Variants in SNX9 observed in about 807,000 individuals in gnomAD.
SNX9 encodes the protein sorting nexin-9.
Under a neutral mutation model 89.4 loss-of-function variants are expected in SNX9, and 44 were observed. That is an observed-to-expected ratio of 0.49 (90% CI 0.39 to 0.63). The LOEUF (loss-of-function observed/expected upper bound fraction) is 0.63, where lower values mean the gene tolerates loss of function less well. Among genes scored for constraint, SNX9 ranks in the 30% least tolerant of loss-of-function variants. The pLI is 0.00. For missense variants in SNX9, 578 were observed against 736.1 expected, an observed-to-expected ratio of 0.79 and a Z score of 2.49; for synonymous variants, 236 against 247.8, an observed-to-expected ratio of 0.95 and a Z score of 0.45.
At chr6:157,921,471 A>G in intron 9 of SNX9, 60 bp from the exon 10 acceptor site, 8 of 1,566,880 alleles carry the variant, frequency 5.1e-6, no homozygotes, top group Admixed American at 1.8e-5. Context: ...CAGTTACAGT[A>G]TGGTAACAGT....
At chr6:157,833,736 G>A (rs147029744) in intron 1 of SNX9, among the ~76,000 whole-genome samples, 107 of 152,232 alleles carry the variant, frequency 7.0e-4, no homozygotes, top group African/African-American at 2.4e-3. Flanking sequence ...TTCTCCTCCC[G>A]CCTTCCTAAA....
intron 1 of SNX9, among the ~76,000 whole-genome samples, chr6:157,850,072 GGAA>G (rs1781879733): frequency 6.6e-6 from 1 of 152,202 alleles, no homozygotes; most frequent in African/African-American, 2.4e-5. Flanking sequence ...AAGGTGGAAA[GGAA>G]GGAAGAAAAC....
At chr6:157,886,274 A>G (rs796349488) in intron 4 of SNX9, among the ~76,000 whole-genome samples, 6 of 152,326 alleles carry the variant, frequency 3.9e-5, no homozygotes, top group African/African-American at 1.4e-4. Flanking sequence ...AGGATGTCAT[A>G]TGAGGAGCAA....
Position 157,858,167 on chromosome 6 carries a change from A to G in SNX9, c.13-9380A>G, listed in dbSNP as rs149625946. Among the ~76,000 whole-genome samples, 310 of 152,154 alleles carry G rather than the reference A, an allele frequency of 2.0e-3. 1 individual carries two copies. Among genetic ancestry groups the G allele is most frequent in the African/African-American group, 6.9e-3 (287 of 41,518 alleles). ...CCATGTATAAGTGCTTTTCATGCCT[A>G]TGTTAGTATCACATATGCTATCGTT... On this transcript the variant is annotated intron_variant, in intron 1 of 17. Transcript: ENST00000392185.
intron 4 of SNX9, among the ~76,000 whole-genome samples, chr6:157,886,106 G>A (rs1053565167): frequency 6.6e-6 from 1 of 152,142 alleles, no homozygotes; most frequent in African/African-American, 2.4e-5. Context: ...TCTGTGCAGT[G>A]AGAACTCTTC....
rs556789550 is a variant in SNX9, at chr6:157,934,924, C to A, written c.1367-1040C>A. ...CACCACAGTGAACCAGGGTTCCTAT[C>A]AAAAGACTTAGATACCAATTGGAAG... On this transcript the variant is annotated intron_variant, in intron 13 of 17. Coordinates refer to ENST00000392185, the MANE Select transcript of SNX9 (RefSeq NM_016224.5). 1.2e-3 allele frequency among the ~76,000 whole-genome samples: 185 copies of A among 152,222 alleles called. 1 individual carries two copies. The highest frequency in any genetic ancestry group is 3.1e-3 in the South Asian group (15 of 4,822).
chr6:157,939,815 G>A (rs1457289035), intron 16 of SNX9, among the ~76,000 whole-genome samples: 2 of 152,210 alleles, frequency 1.3e-5, no homozygotes, highest in Non-Finnish European at 2.9e-5. Context: ...GTAACTGAAT[G>A]TAAAATGTAG....
intron 1 of SNX9, among the ~76,000 whole-genome samples, chr6:157,840,350 A>G (rs1182079065): frequency 6.6e-6 from 1 of 152,180 alleles, no homozygotes; most frequent in African/African-American, 2.4e-5. Context: ...TTATTTGGCA[A>G]TAAAACCATT....
chr6:157,939,185 A>G lies in SNX9; in HGVS notation c.1648+438A>G, dbSNP rs368397474. On this transcript the variant is annotated intron_variant, in intron 16 of 17. Transcript: ENST00000392185. Reference sequence around the variant, plus strand: ...ATTTCTATAGGTTTGAGTGTTTTTGAGCAGATGAGGGCAGCAAGTGGATTT... The same window carrying G: ...ATTTCTATAGGTTTGAGTGTTTTTGGGCAGATGAGGGCAGCAAGTGGATTT... Among the ~76,000 whole-genome samples the G allele has an allele frequency of 3.4e-4, 52 of 152,004 alleles. No homozygotes were observed. In the East Asian group the frequency reaches 5.0e-3, roughly 15 times the overall value.
chr6:157,942,005 G>A (rs905100323), intron 17 of SNX9, among the ~76,000 whole-genome samples: 1 of 152,114 alleles, frequency 6.6e-6, no homozygotes, highest in Non-Finnish European at 1.5e-5. Context: ...ATAATGCAAG[G>A]GCAACTCTCA....
rs1781272879 is a variant in SNX9, at chr6:157,823,357, T to C, written c.-78T>C. ...CGGAGCCGCCGCCCTCGCCCTTGCC[T>C]TTGCCTGCGCGGCTCAGAATCACCA... is the stretch of plus-strand genomic sequence containing the variant. On this transcript the variant is annotated 5_prime_UTR_variant, in exon 1 of 18. Coordinates refer to ENST00000392185, the MANE Select transcript of SNX9 (RefSeq NM_016224.5). The surrounding 1 kb of genome is among the most constrained non-coding windows in gnomAD (Gnocchi z 4.6). 1 of 1,244,532 alleles carries C rather than the reference T, an allele frequency of 8.0e-7. No individual in the cohort carries two copies. The highest frequency in any genetic ancestry group is 1.0e-6 in the Non-Finnish European group (1 of 982,934). The allele number at this position is 1,244,532 out of a possible 1,614,324, so 77.1% of individuals were successfully genotyped here.
At chr6:157,919,526 A>G (rs1783541137) in intron 9 of SNX9, among the ~76,000 whole-genome samples, 1 of 151,866 alleles carries the variant, frequency 6.6e-6, no homozygotes, top group African/African-American at 2.4e-5. Flanking sequence ...CAATTACTAT[A>G]CTTTCAACTC....
At chr6:157,911,445 C>T (rs1246628594) in intron 9 of SNX9, among the ~76,000 whole-genome samples, 5 of 152,182 alleles carry the variant, frequency 3.3e-5, no homozygotes, top group Non-Finnish European at 5.9e-5. Flanking sequence ...GGAGGGCCTG[C>T]GACCCTTCAC....
At chr6:157,897,653 GC>G (rs1783008062) in intron 5 of SNX9, among the ~76,000 whole-genome samples, 1 of 151,450 alleles carries the variant, frequency 6.6e-6, no homozygotes, top group African/African-American at 2.4e-5. Flanking sequence ...AATTACAGGA[GC>G]CCACCGCCCA....
At chr6:157,838,200 A>G (rs929150623) in intron 1 of SNX9, among the ~76,000 whole-genome samples, 2 of 151,920 alleles carry the variant, frequency 1.3e-5, no homozygotes, top group African/African-American at 2.4e-5. Flanking sequence ...TTTTATAGAG[A>G]TGGTGTTTTG....
Position 157,823,617 on chromosome 6 carries a change from A to G in SNX9, c.12+171A>G, listed in dbSNP as rs1781281849. Among the ~76,000 whole-genome samples the G allele has an allele frequency of 6.6e-6, 1 of 151,740 alleles. No individual in the cohort carries two copies. Among genetic ancestry groups the G allele is most frequent in the Non-Finnish European group, 1.5e-5 (1 of 67,844 alleles). On this transcript the variant is annotated intron_variant, in intron 1 of 17. Coordinates refer to ENST00000392185, the MANE Select transcript of SNX9 (RefSeq NM_016224.5). The surrounding 1 kb of genome is among the most constrained non-coding windows in gnomAD (Gnocchi z 4.6). ...GCGGCCCAGCCAGTCCCTTCTGGGCATGGGTGCGGCGGGCAGTGCAGACAG... is the reference window on the plus strand; with the variant it reads ...GCGGCCCAGCCAGTCCCTTCTGGGCGTGGGTGCGGCGGGCAGTGCAGACAG...
intron 1 of SNX9, among the ~76,000 whole-genome samples, chr6:157,830,785 G>A (rs143507384): frequency 6.6e-5 from 10 of 152,224 alleles, no homozygotes; most frequent in African/African-American, 2.2e-4. Context: ...AATTCTCAGC[G>A]GTTATTCATG....
intron 4 of SNX9, among the ~76,000 whole-genome samples, chr6:157,888,754 A>G (rs1157350158): frequency 6.6e-6 from 1 of 152,228 alleles, no homozygotes; most frequent in Non-Finnish European, 1.5e-5. Flanking sequence ...TGTCAGGTAA[A>G]GTATCTTACA....
At chr6:157,930,864 A>T in intron 12 of SNX9, among the ~76,000 whole-genome samples, 1 of 152,230 alleles carries the variant, frequency 6.6e-6, no homozygotes, top group African/African-American at 2.4e-5. Flanking sequence ...CTCTTGCAAG[A>T]CCATCATAAC....
Sources: allele counts gnomAD v4.1 joint callset (sites outside exome capture counted in the v4.1 genomes callset), GRCh38; gene constraint gnomAD v4.1.1; non-coding constraint Gnocchi (gnomAD v3.1); transcripts MANE v1.5; gene names NCBI Gene and HGNC (gene_info 2026-07-23, HGNC 2026-07-21).